The following ARL8B variants were observed in gnomAD, a reference collection of about 807,000 sequenced individuals.
ARL8B encodes the protein ADP-ribosylation factor-like protein 8B.
Under a neutral mutation model 30.6 loss-of-function variants are expected in ARL8B, and 9 were observed. The observed-to-expected ratio is 0.29, with a 90% CI of 0.18 to 0.51. ARL8B has a LOEUF of 0.51. Among genes scored for constraint, ARL8B ranks in the 20% least tolerant of loss-of-function variants. ARL8B has a pLI of 0.97. For synonymous variants in ARL8B, 74 were observed against 76.0 expected (o/e 0.97, Z 0.14); for missense variants, 130 against 227.2 (o/e 0.57, Z 2.75).
chr3:5,173,053 C>T (rs2054691046), intron 4 of ARL8B, among the ~76,000 whole-genome samples: 1 of 152,060 alleles, frequency 6.6e-6, no homozygotes, highest in South Asian at 2.1e-4. Context: ...GGTAGATACT[C>T]TGAAAACACT....
At chr3:5,159,240 C>T (rs561143828) in intron 1 of ARL8B, among the ~76,000 whole-genome samples, 4 of 131,138 alleles carry the variant, frequency 3.1e-5, no homozygotes, top group East Asian at 2.3e-4. Context: ...GTTGAGGCTG[C>T]GGTGAGCCAC....
chr3:5,172,223 T>C lies in ARL8B; in HGVS notation c.278T>C (p.Val93Ala). Residue 93 changes from valine (V) to alanine (A), a missense_variant and splice_region_variant, in exon 3 of 7, where the codon GTT becomes GCT. Val to Ala is a moderately conservative substitution (Grantham distance 64). Transcript: ENST00000256496. ...TATTGCAGAGGAGTCAATGCTATTG[T>C]GTAAGTGGTTTTTTTTTGTTTGTTT... ...ERYCRGVNAI[V>A]YMIDAADREK... The C allele has an allele frequency of 6.2e-7, 1 of 1,606,890 alleles. No individual in the cohort carries two copies. Among genetic ancestry groups the C allele is most frequent in the Non-Finnish European group, 8.5e-7 (1 of 1,177,054 alleles).
chr3:5,127,872 C>CAAAAAA (rs748657502), intron 1 of ARL8B, among the ~76,000 whole-genome samples: 178 of 10,590 alleles, frequency 0.017, 41 homozygotes, highest in African/African-American at 0.03. Context: ...GACTCCGTCT[C>CAAAAAA]AAAAAAAAAA....
intron 1 of ARL8B, among the ~76,000 whole-genome samples, chr3:5,129,512 T>G (rs1180875546): frequency 6.6e-6 from 1 of 152,172 alleles, no homozygotes. Flanking sequence ...CTTTTTATAT[T>G]TCAGCAACTG....
intron 1 of ARL8B, among the ~76,000 whole-genome samples, chr3:5,158,121 G>C (rs758793704): frequency 6.6e-6 from 1 of 152,034 alleles, no homozygotes; most frequent in South Asian, 2.1e-4. Context: ...GATCACAGGT[G>C]CTCACCACTT....
At chr3:5,131,398 T>TAAA (rs1559275398) in intron 1 of ARL8B, among the ~76,000 whole-genome samples, 11 of 150,504 alleles carry the variant, frequency 7.3e-5, no homozygotes, top group African/African-American at 2.5e-4. Context: ...TAAAAAATTT[T>TAAA]TTTTTTTTTT....
At chr3:5,146,722 A>T (rs1161911776) in intron 1 of ARL8B, among the ~76,000 whole-genome samples, 1 of 152,110 alleles carries the variant, frequency 6.6e-6, no homozygotes, top group Non-Finnish European at 1.5e-5. Flanking sequence ...CTGCTTTGGG[A>T]ACATATAAGA....
intron 6 of ARL8B, among the ~76,000 whole-genome samples, chr3:5,175,526 A>G (rs1036087111): frequency 1.2e-4 from 19 of 152,226 alleles, no homozygotes; most frequent in African/African-American, 4.6e-4. Flanking sequence ...TTAGCACTCT[A>G]TTGGAATTAT....
chr3:5,167,093 C>T (rs181403405), intron 1 of ARL8B, among the ~76,000 whole-genome samples: 15 of 152,270 alleles, frequency 9.9e-5, no homozygotes, highest in Non-Finnish European at 1.8e-4. Flanking sequence ...ATAAGATTCC[C>T]TGACTTTGAG....
intron 1 of ARL8B, among the ~76,000 whole-genome samples, chr3:5,167,658 A>G (rs2054635562): frequency 1.3e-5 from 2 of 152,260 alleles, no homozygotes; most frequent in Admixed American, 6.5e-5. Context: ...CATCTGAGAA[A>G]TGAAGATAAT....
intron 1 of ARL8B, among the ~76,000 whole-genome samples, chr3:5,155,941 C>T (rs552510417): frequency 4.0e-5 from 6 of 151,506 alleles, no homozygotes; most frequent in South Asian, 2.1e-4. Context: ...CTTGCTCTGT[C>T]ACCTAGGCTG....
chr3:5,155,894 G>T (rs916197251), intron 1 of ARL8B, among the ~76,000 whole-genome samples: 3 of 148,368 alleles, frequency 2.0e-5, no homozygotes, highest in African/African-American at 7.6e-5. Context: ...TAATTTTTGT[G>T]TGTGTGTGTG....
intron 1 of ARL8B, among the ~76,000 whole-genome samples, chr3:5,162,091 T>C (rs11130291): frequency 0.41 from 61,820 of 152,116 alleles, 13,756 homozygotes; most frequent in African/African-American, 0.61. Context: ...GCACACAAAA[T>C]GCATCTGTGT....
At chr3:5,132,219 C>G (rs796207483) in intron 1 of ARL8B, among the ~76,000 whole-genome samples, 22 of 151,944 alleles carry the variant, frequency 1.4e-4, no homozygotes, top group African/African-American at 4.8e-4. Flanking sequence ...TAGGTATTGC[C>G]CTAAGTTAGG....
chr3:5,165,060 A>G (rs183727273), intron 1 of ARL8B, among the ~76,000 whole-genome samples: 1 of 152,308 alleles, frequency 6.6e-6, no homozygotes, highest in Admixed American at 6.5e-5. Flanking sequence ...TAATCTGAGC[A>G]TCATTGAGAT....
chr3:5,151,727 C>CT (rs1312031551), intron 1 of ARL8B, among the ~76,000 whole-genome samples: 3 of 126,518 alleles, frequency 2.4e-5, no homozygotes, highest in African/African-American at 9.5e-5. Flanking sequence ...CCCCACCCCC[C>CT]CCCTTGGAGA....
chr3:5,173,331 A>G (rs7633473), intron 4 of ARL8B, among the ~76,000 whole-genome samples: 33,209 of 152,142 alleles, frequency 0.22, 4,188 homozygotes, highest in African/African-American at 0.33. Flanking sequence ...TTGCATTTGG[A>G]TTAGGAATGC....
At chr3:5,172,066 G>T in intron 2 of ARL8B, 84 bp from the exon 3 acceptor site, 1 of 1,300,726 alleles carries the variant, frequency 7.7e-7, no homozygotes, top group Non-Finnish European at 1.1e-6. Context: ...ATATCTTCCC[G>T]ATCTTTCTTT....
chr3:5,146,979 T>C (rs2054423903), intron 1 of ARL8B, among the ~76,000 whole-genome samples: 1 of 151,962 alleles, frequency 6.6e-6, no homozygotes, highest in Non-Finnish European at 1.5e-5. Flanking sequence ...CTGACCCCAA[T>C]AGTCTTCATT....
Sources: gnomAD v4.1 joint callset for allele counts (sites outside exome capture counted in the v4.1 genomes callset) on GRCh38, gnomAD v4.1.1 for gene constraint, MANE v1.5 for transcripts, NCBI Gene and HGNC (gene_info 2026-07-23, HGNC 2026-07-21) for gene names.